Variants in STK25 observed in about 807,000 individuals in gnomAD.
STK25 encodes the protein serine/threonine kinase 25, also known as serine/threonine-protein kinase 25.
STK25 carries 29 observed loss-of-function variants against 53.8 expected under a neutral mutation model. The observed-to-expected ratio is 0.54, with a 90% CI of 0.40 to 0.74. The LOEUF is 0.74. Among genes scored for constraint, STK25 ranks in the 30% least tolerant of loss-of-function variants. STK25 has a pLI of 0.00. For missense variants in STK25, 420 were observed against 568.0 expected (o/e 0.74, Z 2.65); for synonymous variants, 247 against 238.3 (o/e 1.04, Z -0.33).
chr2:241,496,278 T>G lies in STK25; in HGVS notation c.1241+120A>C. The G allele has an allele frequency of 7.9e-7, 1 of 1,268,942 alleles. No individual in the cohort carries two copies. Among genetic ancestry groups the G allele is most frequent in the Non-Finnish European group, 1.1e-6 (1 of 909,096 alleles). 78.6% of individuals were successfully genotyped at this position (1,268,942 alleles called of 1,614,324 possible). The stretch of plus-strand genomic sequence containing the variant: ...GATGCCACGCCGCGCCTTCCCAGAG[T>G]GAAGCGAGCCCATGTAGTGCCAAAT... On this transcript the variant is annotated intron_variant, in intron 11 of 11. Transcript: ENST00000316586. The surrounding 1 kb of genome is among the most constrained non-coding windows in gnomAD (Gnocchi z 5.8).
intron 2 of STK25, among the ~76,000 whole-genome samples, chr2:241,504,597 G>A (rs1032101980): frequency 6.6e-6 from 1 of 152,224 alleles, no homozygotes; most frequent in African/African-American, 2.4e-5. Flanking sequence ...CAGATGAGGT[G>A]AGAACCAGCC....
intron 5 of STK25, chr2:241,499,779 T>G (rs1371883629): frequency 6.5e-6 from 3 of 460,926 alleles, no homozygotes; most frequent in Non-Finnish European, 1.2e-5. Context: ...GTCCCCTACA[T>G]GACAGAGATG....
At chr2:241,508,799 C>G, upstream of STK25, 2 of 967,748 alleles carry the variant, frequency 2.1e-6, no homozygotes, top group Non-Finnish European at 2.5e-6. Context: ...CTGCGTCTCC[C>G]GGCAGGCCGC....
chr2:241,500,718 A>G (rs2065456972), intron 4 of STK25, 22 bp downstream of exon 4: 1 of 1,612,530 alleles, frequency 6.2e-7, no homozygotes, highest in Non-Finnish European at 8.5e-7. Flanking sequence ...ATGACCCCCC[A>G]CTGCCATGGC....
At chr2:241,500,125 C>A in intron 5 of STK25, 48 bp downstream of exon 5, 2 of 1,521,954 alleles carry the variant, frequency 1.3e-6, no homozygotes, top group South Asian at 2.2e-5. Flanking sequence ...TCTCTAAGGT[C>A]AGTGGGGCTC....
rs986870170 is a variant in STK25, at chr2:241,492,810, G to T, written c.*2852C>A. On this transcript the variant is annotated 3_prime_UTR_variant, in exon 12 of 12. Coordinates refer to ENST00000316586, the MANE Select transcript of STK25 (RefSeq NM_001271977.2). ...AGCTGCTGTTCATAGCAGTCCAGAG[G>T]TAAAACCAAGGCCTCAGCTGGAGAA... is the stretch of plus-strand genomic sequence containing the variant. The T allele has an allele frequency of 3.1e-6, 2 of 653,038 alleles. No homozygotes were observed. Among genetic ancestry groups the T allele is most frequent in the African/African-American group, 3.6e-5 (2 of 55,032 alleles). 40.5% of individuals were successfully genotyped at this position (653,038 alleles called of 1,614,324 possible). A position where few individuals can be genotyped will look rare whatever the true frequency, so the allele number is the denominator to read the frequency against.
intron 2 of STK25, among the ~76,000 whole-genome samples, chr2:241,505,079 G>A (rs900647577): frequency 1.3e-4 from 15 of 118,350 alleles, no homozygotes; most frequent in African/African-American, 4.9e-4. Flanking sequence ...ATCATGCCCC[G>A]TTAATTTTTT....
At chr2:241,508,216 G>A (rs1384792621) in intron 1 of STK25, 81 bp from the exon 2 acceptor site, 17 of 1,343,246 alleles carry the variant, frequency 1.3e-5, no homozygotes, top group East Asian at 3.1e-5. Context: ...CCATGGGTGG[G>A]GGGGGGCCCA....
In STK25 at chr2:241,498,369, G is replaced by A; in HGVS notation, c.918-20C>T. The A allele has an allele frequency of 4.5e-6, 7 of 1,557,824 alleles. No individual in the cohort carries two copies. Among genetic ancestry groups the A allele is most frequent in the Non-Finnish European group, 5.2e-6 (6 of 1,144,082 alleles). On this transcript the variant is annotated intron_variant, in intron 8 of 11. Coordinates refer to ENST00000316586, the MANE Select transcript of STK25 (RefSeq NM_001271977.2). Reference sequence around the variant, plus strand: ...CCATCACTGAAGAGGATGAGGAGTTGCCAGGGCCAGTGGGGAGAGGGCCAG... The same window carrying A: ...CCATCACTGAAGAGGATGAGGAGTTACCAGGGCCAGTGGGGAGAGGGCCAG...
At position 241,492,926 on chromosome 2, in the gene STK25, CAGAACCAG is replaced by C; in HGVS notation, c.*2728_*2735del. The C allele has an allele frequency of 1.9e-6, 3 of 1,588,252 alleles. No homozygotes were observed. Among genetic ancestry groups the C allele is most frequent in the Non-Finnish European group, 2.6e-6 (3 of 1,156,494 alleles). The stretch of plus-strand genomic sequence containing the variant: ...TGCACCTGCATTTTTCCTTTATTGA[CAGAACCAG>C]CTTTCAGGATATCTGCTAAGAAAGT... On this transcript the variant is annotated 3_prime_UTR_variant, in exon 12 of 12. Transcript: ENST00000316586.
In STK25 at chr2:241,496,595, C is replaced by T. The variant is rs1216430562; in HGVS notation, c.1105-61G>A. On this transcript the variant is annotated intron_variant, in intron 10 of 11. Coordinates refer to ENST00000316586, the MANE Select transcript of STK25 (RefSeq NM_001271977.2). The surrounding 1 kb of genome is among the most constrained non-coding windows in gnomAD (Gnocchi z 5.8). ...AGGACAGGCCTTCAGGGAGCCTGCT[C>T]CTTTGCTCGGCCACAGTGATGCCGG... is the stretch of plus-strand genomic sequence containing the variant. The T allele has an allele frequency of 1.9e-6, 3 of 1,569,732 alleles. No homozygotes were observed. The highest frequency in any genetic ancestry group is 1.1e-5 in the South Asian group (1 of 87,694).
Position 241,492,749 on chromosome 2 carries a change from T to TTTTA in STK25, c.*2909_*2912dup. The TTTTA allele has an allele frequency of 3.6e-6, 2 of 559,316 alleles. No homozygotes were observed. The highest frequency in any genetic ancestry group is 3.2e-6 in the Non-Finnish European group (1 of 313,630). 34.6% of individuals were successfully genotyped at this position (559,316 alleles called of 1,614,324 possible). On this transcript the variant is annotated 3_prime_UTR_variant, in exon 12 of 12. Transcript: ENST00000316586. ...TGGTGCCTGGAATGTCACTCTAGGT[T>TTTTA]TTTAACATGCTTCTGTTGGACTTAA...
At chr2:241,508,826 G>GGCACGTGGTCGTTGTCGCGTC (rs1205999101), upstream of STK25, 1 of 879,148 alleles carries the variant, frequency 1.1e-6, no homozygotes, top group Non-Finnish European at 1.4e-6. Context: ...GGGCGGGCGG[G>GGCACGTGGTCGTTGTCGCGTC]GCACGTGGTC....
At chr2:241,499,206 G>C in intron 6 of STK25, 32 bp from the exon 7 acceptor site, 1 of 1,613,762 alleles carries the variant, frequency 6.2e-7, no homozygotes. Flanking sequence ...TTGCTGCCCT[G>C]AGCACCCGAG....
In STK25 at chr2:241,500,794, G is replaced by A; in HGVS notation, c.264C>T (p.Ser88=). The A allele has an allele frequency of 2.5e-6, 4 of 1,613,766 alleles. No homozygotes were observed. Among genetic ancestry groups the A allele is most frequent in the Non-Finnish European group, 3.4e-6 (4 of 1,179,840 alleles). Residue 88 remains serine, a splice_region_variant and synonymous_variant, in exon 4 of 12, where the codon AGC becomes AGT. Coordinates refer to ENST00000316586, the MANE Select transcript of STK25 (RefSeq NM_001271977.2). The part of the protein sequence containing the change: ...ITRYFGSYLK[S]TKLWIIMEYL... ...ACTCCATGATGATCCATAGCTTGGT[G>A]CTCTGGGACCGGAGACAAACCCATC... is the stretch of plus-strand genomic sequence containing the variant.
chr2:241,503,479 G>A (rs551285175), intron 2 of STK25, among the ~76,000 whole-genome samples: 85 of 151,314 alleles, frequency 5.6e-4, no homozygotes, highest in Non-Finnish European at 1.0e-3. Flanking sequence ...TTGGGAGGCC[G>A]AGGCGGGCAG....
intron 1 of STK25, 45 bp from the exon 2 acceptor site, chr2:241,508,180 G>C (rs984793515): frequency 5.9e-5 from 81 of 1,377,610 alleles, no homozygotes; most frequent in Non-Finnish European, 1.5e-5. Context: ...TCAGTCATCT[G>C]AGACCGACCT....
At chr2:241,504,712 C>A (rs918941829) in intron 2 of STK25, among the ~76,000 whole-genome samples, 3 of 151,812 alleles carry the variant, frequency 2.0e-5, no homozygotes, top group Non-Finnish European at 4.4e-5. Context: ...GTAGCTGGGC[C>A]CACAAGTGCA....
chr2:241,505,717 C>G (rs1265482018), intron 2 of STK25, among the ~76,000 whole-genome samples: 1 of 152,198 alleles, frequency 6.6e-6, no homozygotes, highest in East Asian at 1.9e-4. Context: ...CTCATCAGCC[C>G]AAGCAGAAAC....
Sources: allele counts gnomAD v4.1 joint callset (sites outside exome capture counted in the v4.1 genomes callset), GRCh38; gene constraint gnomAD v4.1.1; non-coding constraint Gnocchi (gnomAD v3.1); transcripts MANE v1.5; gene names NCBI Gene and HGNC (gene_info 2026-07-23, HGNC 2026-07-21).